The following EML6 variants were observed in gnomAD, a reference collection of about 807,000 sequenced individuals.
EML6 encodes the protein EMAP like 6, also known as echinoderm microtubule-associated protein-like 6.
EML6 carries 154 observed loss-of-function variants against 240.1 expected under a neutral mutation model. That is an observed-to-expected ratio of 0.64 (90% confidence interval 0.56 to 0.73). EML6 has a LOEUF of 0.73. EML6 is among the 30% of genes least tolerant of loss of function. The pLI is 0.00. For missense variants in EML6, 2,964 were observed against 2,474.6 expected, an observed-to-expected ratio of 1.20 and a Z score of -4.20; for synonymous variants, 1,148 against 899.0, an observed-to-expected ratio of 1.28 and a Z score of -4.95.
At chr2:54,791,016 C>T (rs981321807) in intron 2 of EML6, among the ~76,000 whole-genome samples, 4 of 152,164 alleles carry the variant, frequency 2.6e-5, no homozygotes, top group African/African-American at 9.7e-5. Context: ...TGAGCCACCG[C>T]GCCCGGCCGG....
intron 16 of EML6, among the ~76,000 whole-genome samples, chr2:54,876,141 C>A (rs1325065099): frequency 6.6e-6 from 1 of 152,110 alleles, no homozygotes; most frequent in Non-Finnish European, 1.5e-5. Flanking sequence ...AAGGACATTA[C>A]CTAAGAGACT....
At chr2:54,820,360 T>C (rs1668275429) in intron 4 of EML6, 34 bp from the exon 5 acceptor site, 1 of 1,460,724 alleles carries the variant, frequency 6.8e-7, no homozygotes, top group Non-Finnish European at 9.3e-7. Context: ...ATATACCAAA[T>C]GATCAACATG....
chr2:54,843,853 A>C lies in EML6; in HGVS notation c.848-194A>C, dbSNP rs1412671506. Among the ~76,000 whole-genome samples, 95 of 151,606 alleles carry C rather than the reference A, an allele frequency of 6.3e-4. 1 individual carries two copies. Among genetic ancestry groups the C allele is most frequent in the African/African-American group, 2.3e-3 (93 of 41,318 alleles). On this transcript the variant is annotated intron_variant, in intron 7 of 41. Coordinates refer to ENST00000356458, the MANE Select transcript of EML6 (RefSeq NM_001039753.4). ...GAGCAAGACTCCATCTCAAAAAAAAAAAAAAAAAAAGCACAAAGAATGGTG... is the reference window on the plus strand; with the variant it reads ...GAGCAAGACTCCATCTCAAAAAAAACAAAAAAAAAAGCACAAAGAATGGTG...
At chr2:54,847,017 C>G (rs1203343222) in intron 8 of EML6, among the ~76,000 whole-genome samples, 2 of 148,944 alleles carry the variant, frequency 1.3e-5, no homozygotes, top group African/African-American at 4.9e-5. Flanking sequence ...AAGTGATCCT[C>G]CTGCCTGTGC....
At chr2:54,779,537 ACT>A (rs1232209282) in intron 2 of EML6, among the ~76,000 whole-genome samples, 1 of 107,176 alleles carries the variant, frequency 9.3e-6, no homozygotes, top group African/African-American at 4.3e-5. Context: ...CAAAAGTGAG[ACT>A]CTGTCTCAAA....
At chr2:54,847,739 G>GGT in intron 9 of EML6, 116 bp downstream of exon 9, 6 of 1,094,128 alleles carry the variant, frequency 5.5e-6, no homozygotes, top group East Asian at 2.6e-5. Context: ...CATTCAAATA[G>GGT]GAATACTATA....
intron 5 of EML6, among the ~76,000 whole-genome samples, chr2:54,826,291 A>T (rs1030869435): frequency 1.3e-5 from 2 of 152,056 alleles, no homozygotes; most frequent in Non-Finnish European, 2.9e-5. Flanking sequence ...TTATAACCTG[A>T]GGGGGGGCTA....
At chr2:54,812,439 T>C (rs1667896208) in intron 2 of EML6, among the ~76,000 whole-genome samples, 1 of 152,214 alleles carries the variant, frequency 6.6e-6, no homozygotes, top group Admixed American at 6.5e-5. Context: ...GCTAGTTTGC[T>C]ATATAGGTAA....
intron 2 of EML6, among the ~76,000 whole-genome samples, chr2:54,767,336 T>C: frequency 6.6e-6 from 1 of 152,154 alleles, no homozygotes; most frequent in East Asian, 1.9e-4. Flanking sequence ...TTGTTTTGCC[T>C]TTTTATTATA....
chr2:54,813,904 A>G (rs1240786485), intron 3 of EML6, among the ~76,000 whole-genome samples: 1 of 152,114 alleles, frequency 6.6e-6, no homozygotes, highest in African/African-American at 2.4e-5. Flanking sequence ...ATTCCTGGGT[A>G]TTCATGTTTC....
intron 19 of EML6, among the ~76,000 whole-genome samples, chr2:54,894,247 T>G (rs538049836): frequency 1.6e-4 from 24 of 151,318 alleles, no homozygotes; most frequent in African/African-American, 5.1e-4. Flanking sequence ...ATATAATAAA[T>G]TACCAGAAAG....
chr2:54,808,295 C>G (rs1670603068), intron 2 of EML6, among the ~76,000 whole-genome samples: 1 of 152,206 alleles, frequency 6.6e-6, no homozygotes, highest in Admixed American at 6.5e-5. Flanking sequence ...GGCCACTGTT[C>G]AAATCAGGCC....
chr2:54,957,848 C>T lies in EML6; in HGVS notation c.4545C>T (p.Arg1515=), dbSNP rs374215426. The change falls in exon 33 of 42, where the codon CGC becomes CGT. Residue 1515 remains arginine, a synonymous_variant. Transcript: ENST00000356458. ...HLERIFVVEF[R]PDSDTQFVSV... ...AGCGCATATTTGTGGTGGAATTTCG[C>T]CCCGACTCAGACACGCAGTTTGTAT... is the stretch of plus-strand genomic sequence containing the variant. 571 of 1,550,852 alleles carry T rather than the reference C, an allele frequency of 3.7e-4. 1 individual carries two copies. In the Middle Eastern group the frequency reaches 4.0e-3, roughly 11 times the overall value.
In EML6 at chr2:54,928,833, C is replaced by T. The variant is rs181060918; in HGVS notation, c.4004+82C>T. 1.6e-4 allele frequency: 237 copies of T among 1,479,278 alleles called. No individual in the cohort carries two copies. The African/African-American group carries it at 2.2e-3, about 13-fold the overall frequency. 91.6% of individuals were successfully genotyped at this position (1,479,278 alleles called of 1,614,324 possible). ...TAAGCCAGAGTGCGTTTTCTTTGCC[C>T]TCAAAGTTGCTGTTTAAGTCAGTCT... is the stretch of plus-strand genomic sequence containing the variant. On this transcript the variant is annotated intron_variant, in intron 28 of 41. Transcript: ENST00000356458.
intron 2 of EML6, among the ~76,000 whole-genome samples, chr2:54,800,452 T>C (rs1000309379): frequency 6.6e-6 from 1 of 152,156 alleles, no homozygotes; most frequent in African/African-American, 2.4e-5. Flanking sequence ...GGGGTACCTA[T>C]TTTCAATATA....
At chr2:54,855,363 C>T (rs1285467850) in intron 11 of EML6, among the ~76,000 whole-genome samples, 1 of 151,986 alleles carries the variant, frequency 6.6e-6, no homozygotes, top group Non-Finnish European at 1.5e-5. Context: ...AAGCAGATCT[C>T]ATGAAAATTT....
At chr2:54,954,502 G>C (rs1429297645) in intron 32 of EML6, among the ~76,000 whole-genome samples, 1 of 152,170 alleles carries the variant, frequency 6.6e-6, no homozygotes, top group East Asian at 1.9e-4. Context: ...TGTCTTCCGT[G>C]CTCTTTCTGA....
chr2:54,820,098 A>T (rs75907032), intron 4 of EML6, among the ~76,000 whole-genome samples: 3,058 of 152,334 alleles, frequency 0.02, 37 homozygotes, highest in Non-Finnish European at 0.033. Flanking sequence ...TCAAAAATTT[A>T]TCCTAAATTG....
intron 2 of EML6, among the ~76,000 whole-genome samples, chr2:54,787,759 T>C (rs912070383): frequency 6.6e-6 from 1 of 152,170 alleles, no homozygotes; most frequent in African/African-American, 2.4e-5. Context: ...TTATAGGAGG[T>C]TTGTTTCACA....
Sources: allele counts gnomAD v4.1 joint callset (sites outside exome capture counted in the v4.1 genomes callset), GRCh38; gene constraint gnomAD v4.1.1; transcripts MANE v1.5; gene names NCBI Gene and HGNC (gene_info 2026-07-23, HGNC 2026-07-21).